PSMB1: variants seen among roughly 807,000 people sequenced by gnomAD.
The protein encoded by PSMB1 is proteasome 20S subunit beta 1, also known as proteasome subunit beta type-1.
In PSMB1, 7 loss-of-function variants were observed where a neutral mutation model predicts 25.4. The observed-to-expected ratio is 0.28, with a 90% confidence interval of 0.16 to 0.52. The LOEUF (loss-of-function observed/expected upper bound fraction) is 0.52, where lower values mean the gene tolerates loss of function less well. Among genes scored for constraint, PSMB1 ranks in the 20% least tolerant of loss-of-function variants. The pLI, the probability that PSMB1 is intolerant of heterozygous loss-of-function variation, is 0.97. For missense variants in PSMB1, 284 were observed against 302.2 expected, an observed-to-expected ratio of 0.94 and a Z score of 0.45; for synonymous variants, 119 against 115.0, an observed-to-expected ratio of 1.03 and a Z score of -0.22.
chr6:170,544,710 TAGAC>T (rs932382524), intron 3 of PSMB1, among the ~76,000 whole-genome samples: 20 of 151,926 alleles, frequency 1.3e-4, no homozygotes, highest in African/African-American at 4.1e-4. Context: ...TCTAAATAAA[TAGAC>T]AGATAGATAT....
chr6:170,547,991 T>A (rs1022887594), intron 2 of PSMB1, among the ~76,000 whole-genome samples: 2 of 151,768 alleles, frequency 1.3e-5, no homozygotes, highest in Non-Finnish European at 2.9e-5. Flanking sequence ...TGTTTTAAAA[T>A]CTTATTTCTA....
chr6:170,553,007 C>G, intron 1 of PSMB1, 123 bp downstream of exon 1: 1 of 772,186 alleles, frequency 1.3e-6, no homozygotes, highest in South Asian at 1.8e-5. Context: ...CGGACCCCCT[C>G]AGCTCAGGGT....
intron 4 of PSMB1, among the ~76,000 whole-genome samples, chr6:170,542,961 T>C (rs1470307814): frequency 1.3e-5 from 2 of 152,200 alleles, no homozygotes; most frequent in Non-Finnish European, 2.9e-5. Context: ...TTGTATTTGA[T>C]TTTTAGATGC....
intron 4 of PSMB1, among the ~76,000 whole-genome samples, chr6:170,540,012 G>A (rs1474643): frequency 0.44 from 66,548 of 152,074 alleles, 15,029 homozygotes; most frequent in East Asian, 0.77. Context: ...ACATAAAACT[G>A]CATGAGTGTA....
At chr6:170,550,489 T>G (rs992032054) in intron 1 of PSMB1, 2 of 152,218 alleles carry the variant, frequency 1.3e-5, no homozygotes, top group African/African-American at 4.8e-5. Context: ...GAGGACTGCT[T>G]GAGCCCAGGT....
At chr6:170,544,103 G>A (rs1046342356) in intron 3 of PSMB1, among the ~76,000 whole-genome samples, 1 of 152,172 alleles carries the variant, frequency 6.6e-6, no homozygotes, top group Non-Finnish European at 1.5e-5. Context: ...GTTTGGCTCA[G>A]GGGCCAAATC....
chr6:170,543,079 G>A (rs969537848), intron 4 of PSMB1, among the ~76,000 whole-genome samples: 1 of 152,062 alleles, frequency 6.6e-6, no homozygotes, highest in East Asian at 1.9e-4. Flanking sequence ...TGCAGCTCTG[G>A]AACAAAAATG....
At chr6:170,547,787 G>C (rs1218552738) in intron 2 of PSMB1, among the ~76,000 whole-genome samples, 3 of 151,046 alleles carry the variant, frequency 2.0e-5, no homozygotes, top group African/African-American at 7.3e-5. Flanking sequence ...TTAGTTCTAG[G>C]TCAGACCCAC....
At chr6:170,542,243 T>TA (rs1487137039) in intron 4 of PSMB1, among the ~76,000 whole-genome samples, 1 of 152,124 alleles carries the variant, frequency 6.6e-6, no homozygotes, top group Non-Finnish European at 1.5e-5. Flanking sequence ...GGGCGGATGT[T>TA]AAGAGTCAGA....
chr6:170,551,397 T>C (rs1445968264), intron 1 of PSMB1, among the ~76,000 whole-genome samples: 2 of 151,208 alleles, frequency 1.3e-5, no homozygotes, highest in African/African-American at 2.4e-5. Flanking sequence ...AAAGACAGAG[T>C]AGGAAAAGAG....
chr6:170,539,335 G>A (rs1171532956), intron 4 of PSMB1, among the ~76,000 whole-genome samples: 1 of 152,194 alleles, frequency 6.6e-6, no homozygotes, highest in Middle Eastern at 3.2e-3. Flanking sequence ...AGCAATTTCT[G>A]TGTAGCAAAA....
At chr6:170,537,421 G>T in intron 4 of PSMB1, 81 bp from the exon 5 acceptor site, 1 of 1,154,310 alleles carries the variant, frequency 8.7e-7, no homozygotes, top group Non-Finnish European at 1.3e-6. Context: ...AGGTCAAAAC[G>T]TGACACAAAA....
At chr6:170,544,607 G>A (rs1314281770) in intron 3 of PSMB1, among the ~76,000 whole-genome samples, 1 of 152,070 alleles carries the variant, frequency 6.6e-6, no homozygotes, top group Admixed American at 6.6e-5. Flanking sequence ...CCCAACTGAG[G>A]CGGGAGAATG....
intron 1 of PSMB1, among the ~76,000 whole-genome samples, chr6:170,552,223 TTC>T (rs1273036734): frequency 1.3e-5 from 2 of 152,200 alleles, no homozygotes; most frequent in Admixed American, 1.3e-4. Flanking sequence ...AGCCAATATT[TTC>T]TGTTTTAAGA....
intron 2 of PSMB1, among the ~76,000 whole-genome samples, chr6:170,547,220 A>G (rs954071862): frequency 1.3e-5 from 2 of 152,214 alleles, no homozygotes; most frequent in Non-Finnish European, 2.9e-5. Context: ...CACCAATTCT[A>G]TTGCTAGAAA....
chr6:170,549,994 C>T (rs2114981842), intron 1 of PSMB1: 1 of 152,312 alleles, frequency 6.6e-6, no homozygotes, highest in Admixed American at 6.5e-5. Flanking sequence ...TGGACAAATC[C>T]TCCAAATGCA....
chr6:170,539,175 C>T (rs1320795672), intron 4 of PSMB1, among the ~76,000 whole-genome samples: 1 of 151,988 alleles, frequency 6.6e-6, no homozygotes, highest in African/African-American at 2.4e-5. Flanking sequence ...AAGTAAAATC[C>T]AAAAAGCACA....
At position 170,549,137 on chromosome 6, in the gene PSMB1, A is replaced by G. The variant is rs1330664708; in HGVS notation, c.114-24T>C. 2.1e-6 allele frequency: 3 copies of G among 1,419,198 alleles called. No homozygotes were observed. The South Asian group carries it at 3.5e-5, about 16-fold the overall frequency. 87.9% of individuals were successfully genotyped at this position (1,419,198 alleles called of 1,614,324 possible). A position where few individuals can be genotyped will look rare whatever the true frequency, so the allele number is the denominator to read the frequency against. ...TACTGAGGAAAAAAGAAAAAAATTA[A>G]TTCTCCAGGGTGGTAATCCTATCCC... On this transcript the variant is annotated intron_variant, in intron 1 of 5. Transcript: ENST00000262193.
Position 170,547,532 on chromosome 6 carries a change from C to T in PSMB1, c.222-1348G>A, listed in dbSNP as rs192085528. Among the ~76,000 whole-genome samples, 115 of 152,326 alleles carry T rather than the reference C, an allele frequency of 7.5e-4. 1 individual carries two copies. Among genetic ancestry groups the T allele is most frequent in the African/African-American group, 2.4e-3 (99 of 41,566 alleles). The stretch of plus-strand genomic sequence containing the variant: ...GTCCTACTAGGAGAGCAGCTGACAC[C>T]TCTAGGGTCATCACTAACATCACCT... On this transcript the variant is annotated intron_variant, in intron 2 of 5. Transcript: ENST00000262193.
Sources: allele counts gnomAD v4.1 joint callset (sites outside exome capture counted in the v4.1 genomes callset), GRCh38; gene constraint gnomAD v4.1.1; transcripts MANE v1.5; gene names NCBI Gene and HGNC (gene_info 2026-07-23, HGNC 2026-07-21).